PLEKHM2: variants seen among roughly 807,000 people sequenced by gnomAD.
PLEKHM2 encodes pleckstrin homology domain-containing family M member 2.
Under a neutral mutation model 116.3 loss-of-function variants are expected in PLEKHM2, and 77 were observed. The observed-to-expected ratio is 0.66, with a 90% CI of 0.55 to 0.80. The LOEUF is 0.80. PLEKHM2 is among the 30% of genes least tolerant of loss of function. The probability of loss-of-function intolerance (pLI) is 0.00; values close to 1 mark genes in which losing one functional copy is unlikely to be tolerated. For missense variants in PLEKHM2, 1,183 were observed against 1,354.9 expected (o/e 0.87, Z 1.99); for synonymous variants, 562 against 571.0 (o/e 0.98, Z 0.22).
intron 1 of PLEKHM2, among the ~76,000 whole-genome samples, chr1:15,712,160 A>AAC (rs1453370716): frequency 6.6e-6 from 1 of 152,072 alleles, no homozygotes; most frequent in African/African-American, 2.4e-5. Flanking sequence ...AAATAACAAA[A>AAC]ACACAAGCAG....
intron 1 of PLEKHM2, 76 bp from the exon 2 acceptor site, chr1:15,716,161 A>C (rs1361580110): frequency 1.1e-6 from 1 of 915,482 alleles, no homozygotes; most frequent in Admixed American, 2.2e-5. Flanking sequence ...TTTTTTAGCT[A>C]CCTTCTTGAT....
intron 1 of PLEKHM2, among the ~76,000 whole-genome samples, chr1:15,714,928 G>T (rs1187722946): frequency 6.6e-6 from 1 of 152,246 alleles, no homozygotes; most frequent in Non-Finnish European, 1.5e-5. Context: ...AGTGAACTCA[G>T]TCCAATATCT....
chr1:15,681,740 T>A (rs1216349579), upstream of PLEKHM2, among the ~76,000 whole-genome samples: 2 of 152,180 alleles, frequency 1.3e-5, no homozygotes, highest in Non-Finnish European at 2.9e-5. Context: ...ACCTGGCTAT[T>A]TATTTCCTCA....
chr1:15,685,541 GAAAAAAAA>G lies in PLEKHM2; in HGVS notation c.60+935_60+942del, dbSNP rs200301672. 5.1e-3 allele frequency among the ~76,000 whole-genome samples: 375 copies of G among 73,558 alleles called. 4 individuals are homozygous for G. Among genetic ancestry groups the G allele is most frequent in the Non-Finnish European group, 5.4e-3 (197 of 36,316 alleles). The allele number at this position is 73,558 out of a possible 152,430, so 48.3% of individuals were successfully genotyped here. On this transcript the variant is annotated intron_variant, in intron 1 of 19. Transcript: ENST00000375799. Reference sequence around the variant, plus strand: ...GGCTCACCAGATAGTCTCAGAAACTGAAAAAAAAAAAAAAAAAAAGAAAGAAAGAAAGA... The same window carrying G: ...GGCTCACCAGATAGTCTCAGAAACTGAAAAAAAAAAAGAAAGAAAGAAAGA...
At position 15,727,326 on chromosome 1, in the gene PLEKHM2, C is replaced by T. The variant is rs759205632; in HGVS notation, c.1254C>T (p.Asn418=). The T allele has an allele frequency of 3.9e-5, 62 of 1,598,316 alleles. No individual in the cohort carries two copies. The highest frequency in any genetic ancestry group is 3.3e-4 in the Middle Eastern group (2 of 6,068). ...TGAGCAAGGTTATCGACCAGCTCAA[C>T]GGGCAGCTGGACCCCAGCACCTGGT... ...QPLSKVIDQL[N]GQLDPSTWCS... is the part of the protein sequence containing the mutation. The change falls in exon 9 of 20, where the codon AAC becomes AAT. Residue 418 remains asparagine (N), a synonymous_variant. Coordinates refer to ENST00000375799, the MANE Select transcript of PLEKHM2 (RefSeq NM_015164.4). The surrounding 1 kb of genome is among the most constrained non-coding windows in gnomAD (Gnocchi z 7.5).
chr1:15,705,482 TC>T (rs1641207596), intron 1 of PLEKHM2, among the ~76,000 whole-genome samples: 1 of 152,030 alleles, frequency 6.6e-6, no homozygotes. Flanking sequence ...GTGCCCGGCC[TC>T]CACATAGATG....
Position 15,733,847 on chromosome 1 carries a change from C to T in PLEKHM2, c.2973C>T (p.Phe991=), listed in dbSNP as rs745838157. 7 of 1,612,982 alleles carry T rather than the reference C, an allele frequency of 4.3e-6. No individual in the cohort carries two copies. The highest frequency in any genetic ancestry group is 2.7e-5 in the African/African-American group (2 of 74,944). ...AIQEASNKKK[F]EDALSLIHSA... The stretch of plus-strand genomic sequence containing the variant: ...AGGAAGCCTCCAACAAGAAGAAATT[C>T]GAGGATGCCTTGAGCCTCATCCACA... Residue 991 remains phenylalanine, a synonymous_variant, in exon 20 of 20, where the codon TTC becomes TTT. Transcript: ENST00000375799.
chr1:15,733,749 C>T (rs768446334), intron 19 of PLEKHM2, 48 bp from the exon 20 acceptor site: 2 of 1,595,950 alleles, frequency 1.3e-6, no homozygotes, highest in Non-Finnish European at 8.5e-7. Context: ...CTGAAGACTC[C>T]TGTGGCCCTC....
chr1:15,703,474 G>T (rs1206804293), intron 1 of PLEKHM2, among the ~76,000 whole-genome samples: 1 of 152,180 alleles, frequency 6.6e-6, no homozygotes, highest in Non-Finnish European at 1.5e-5. Context: ...GGCTGGGCAG[G>T]GTTGCAGCCT....
chr1:15,702,891 TA>T (rs199966582), intron 1 of PLEKHM2, among the ~76,000 whole-genome samples: 2,996 of 143,968 alleles, frequency 0.021, 29 homozygotes, highest in East Asian at 0.051. Context: ...CAGCTAACTT[TA>T]AAAAAAAAAA....
chr1:15,719,623 T>A lies in PLEKHM2; in HGVS notation c.466-111T>A, dbSNP rs1250725524. On this transcript the variant is annotated intron_variant, in intron 5 of 19. Coordinates refer to ENST00000375799, the MANE Select transcript of PLEKHM2 (RefSeq NM_015164.4). The surrounding 1 kb of genome is among the most constrained non-coding windows in gnomAD (Gnocchi z 4.1). ...TCTTTGAATTTACTACCTTAAGCCA[T>A]TGATTTCCCAAAGAGGCACATCTGT... is the stretch of plus-strand genomic sequence containing the variant. The A allele has an allele frequency of 6.4e-5, 44 of 688,116 alleles. No homozygotes were observed. In the East Asian group the frequency reaches 1.1e-3, roughly 17 times the overall value. 42.6% of individuals were successfully genotyped at this position (688,116 alleles called of 1,614,324 possible). A position where few individuals can be genotyped will look rare whatever the true frequency, so the allele number is the denominator to read the frequency against.
Position 15,732,477 on chromosome 1 carries a change from TG to T in PLEKHM2, c.2756del (p.Gly919AlafsTer34), listed in dbSNP as rs774574426. ...SFFRSLGTAK[L>X]GDISAVSTEP... The stretch of plus-strand genomic sequence containing the variant: ...TTCCGCTCTTTGGGCACAGCCAAGC[TG>T]GGCGACATCAGCGCCGTCTCCACCG... On this transcript the variant is annotated frameshift_variant, in exon 18 of 20. Coordinates refer to ENST00000375799, the MANE Select transcript of PLEKHM2 (RefSeq NM_015164.4). LOFTEE classifies it high-confidence loss of function. The T allele has an allele frequency of 5.6e-6, 9 of 1,606,420 alleles. No homozygotes were observed. The highest frequency in any genetic ancestry group is 7.6e-6 in the Non-Finnish European group (9 of 1,176,892).
chr1:15,724,551 G>A (rs952475678), intron 7 of PLEKHM2, among the ~76,000 whole-genome samples: 20 of 151,938 alleles, frequency 1.3e-4, no homozygotes, highest in Admixed American at 1.0e-3. Flanking sequence ...TCCTGCCCCC[G>A]AGGAGTGTGT....
chr1:15,697,796 A>G (rs1272197636), intron 1 of PLEKHM2, among the ~76,000 whole-genome samples: 2 of 151,744 alleles, frequency 1.3e-5, no homozygotes, highest in Non-Finnish European at 2.9e-5. Context: ...ATGCCCAGCT[A>G]ATTTTTTTTT....
chr1:15,721,693 G>A lies in PLEKHM2; in HGVS notation c.712+305G>A, dbSNP rs189607714. ...GATTCCAGTGCCAGCTGATGCTCTCGGGGTGTGTAGGGCCTGACCCAGTGA... is the reference window on the plus strand; with the variant it reads ...GATTCCAGTGCCAGCTGATGCTCTCAGGGTGTGTAGGGCCTGACCCAGTGA... On this transcript the variant is annotated intron_variant, in intron 7 of 19. Transcript: ENST00000375799. The surrounding 1 kb of genome is among the most constrained non-coding windows in gnomAD (Gnocchi z 5.1). 2.6e-5 allele frequency among the ~76,000 whole-genome samples: 4 copies of A among 152,256 alleles called. No homozygotes were observed. The highest frequency in any genetic ancestry group is 5.9e-5 in the Non-Finnish European group (4 of 68,026).
chr1:15,732,487 CAGCGCCGTCTCCACCG>C lies in PLEKHM2; in HGVS notation c.2767_2782del (p.Ala923ArgfsTer25). ...TGGGCACAGCCAAGCTGGGCGACAT[CAGCGCCGTCTCCACCG>C]AGCCGGGCAAGGAGTACTGCGTCTT... On this transcript the variant is annotated frameshift_variant, in exon 18 of 20. Coordinates refer to ENST00000375799, the MANE Select transcript of PLEKHM2 (RefSeq NM_015164.4). LOFTEE classifies it high-confidence loss of function. 1 of 1,607,616 alleles carries C rather than the reference CAGCGCCGTCTCCACCG, an allele frequency of 6.2e-7. No individual in the cohort carries two copies. The highest frequency in any genetic ancestry group is 8.5e-7 in the Non-Finnish European group (1 of 1,177,360).
chr1:15,683,744 G>GTCTGAGGGTGTC (rs1038131054), upstream of PLEKHM2, among the ~76,000 whole-genome samples: 1 of 149,158 alleles, frequency 6.7e-6, no homozygotes, highest in African/African-American at 2.5e-5. Context: ...AGTCCCTGGA[G>GTCTGAGGGTGTC]TCTGAGGGTG....
intron 7 of PLEKHM2, among the ~76,000 whole-genome samples, chr1:15,724,542 C>G (rs554896479): frequency 5.9e-4 from 90 of 152,050 alleles, no homozygotes; most frequent in African/African-American, 2.0e-3. Flanking sequence ...GGCACCTGGT[C>G]CTGCCCCCGA....
rs185261574 is a variant in PLEKHM2 at position 15,715,379 on chromosome 1, C to A, written c.61-858C>A. 3.0e-3 allele frequency among the ~76,000 whole-genome samples: 450 copies of A among 152,038 alleles called. 1 individual carries two copies. Among genetic ancestry groups the A allele is most frequent in the African/African-American group, 0.01 (433 of 41,456 alleles). ...CAAACAGGCCGGGCACAGTGGCTCA[C>A]GCCTGTAATCGCAGCACTTTGGGAG... On this transcript the variant is annotated intron_variant, in intron 1 of 19. Coordinates refer to ENST00000375799, the MANE Select transcript of PLEKHM2 (RefSeq NM_015164.4).
Sources: gnomAD v4.1 joint callset for allele counts (sites outside exome capture counted in the v4.1 genomes callset) on GRCh38, gnomAD v4.1.1 for gene constraint, Gnocchi (gnomAD v3.1) non-coding constraint, MANE v1.5 for transcripts, NCBI Gene and HGNC (gene_info 2026-07-23, HGNC 2026-07-21) for gene names.